UNC5B: variants seen among roughly 807,000 people sequenced by gnomAD.
UNC5B encodes unc-5 netrin receptor B, also known as netrin receptor UNC5B.
In UNC5B, 56 loss-of-function variants were observed where a neutral mutation model predicts 103.7. The observed-to-expected ratio is 0.54, with a 90% CI of 0.44 to 0.67. UNC5B has a LOEUF of 0.67. Ranked by LOEUF, UNC5B falls within the 30% of genes least tolerant of loss-of-function variation. UNC5B has a pLI of 0.00. For synonymous variants in UNC5B, 577 were observed against 542.0 expected (o/e 1.06, Z -0.90); for missense variants, 1,194 against 1,284.5 (o/e 0.93, Z 1.08).
chr10:71,299,278 G>A lies in UNC5B; in HGVS notation c.*1G>A, dbSNP rs773771209. The A allele has an allele frequency of 3.7e-6, 6 of 1,613,916 alleles. No homozygotes were observed. Among genetic ancestry groups the A allele is most frequent in the Non-Finnish European group, 5.1e-6 (6 of 1,180,020 alleles). On this transcript the variant is annotated 3_prime_UTR_variant, in exon 17 of 17. Transcript: ENST00000335350. ...TGTGGCCACCGACGGGGACTGCTGA[G>A]CCTCCTGGGACAGCGGGCTGGCAGG...
At chr10:71,281,145 G>A (rs1466380806) in intron 2 of UNC5B, among the ~76,000 whole-genome samples, 2 of 151,898 alleles carry the variant, frequency 1.3e-5, no homozygotes, top group African/African-American at 4.8e-5. Flanking sequence ...GTTTTGTCAT[G>A]TAAAGCTCAC....
intron 1 of UNC5B, among the ~76,000 whole-genome samples, chr10:71,270,064 A>C (rs1352749675): frequency 6.6e-6 from 1 of 152,058 alleles, no homozygotes; most frequent in Non-Finnish European, 1.5e-5. Context: ...AAGATAGGTG[A>C]GTTGGCCGGG....
Position 71,295,891 on chromosome 10 carries a change from C to T in UNC5B, c.2256C>T (p.His752=), listed in dbSNP as rs1564515381. The change falls in exon 14 of 17, where the codon CAC becomes CAT. Residue 752 remains histidine (H), a synonymous_variant. Transcript: ENST00000335350. ...CGCTAATGTTCAAGGACAGTTACCA[C>T]AACCTGCGCCTCTCCCTCCATGACC... ...PKPLMFKDSY[H]NLRLSLHDLP... is the part of the protein sequence containing the mutation. The T allele has an allele frequency of 6.2e-7, 1 of 1,613,394 alleles. No homozygotes were observed. The highest frequency in any genetic ancestry group is 8.5e-7 in the Non-Finnish European group (1 of 1,180,028).
chr10:71,285,488 G>A, intron 4 of UNC5B, 59 bp downstream of exon 4: 2 of 1,423,628 alleles, frequency 1.4e-6, no homozygotes, highest in Non-Finnish European at 9.4e-7. Flanking sequence ...GCAGAAGCCA[G>A]GCAGGCATGG....
Position 71,291,786 on chromosome 10 carries a change from G to T in UNC5B, c.1649G>T (p.Gly550Val). 1 of 1,605,354 alleles carries T rather than the reference G, an allele frequency of 6.2e-7. No individual in the cohort carries two copies. The highest frequency in any genetic ancestry group is 1.1e-5 in the South Asian group (1 of 90,906). ...DPGSSVSGTFGCLGGRLSIPG... is the reference protein window; with the variant it reads ...DPGSSVSGTFVCLGGRLSIPG... ...GGGAGCAGCGTCAGCGGCACCTTTGGCTGCCTGGGTGGGAGGCTCAGCATC... is the reference window on the plus strand; with the variant it reads ...GGGAGCAGCGTCAGCGGCACCTTTGTCTGCCTGGGTGGGAGGCTCAGCATC... The change falls in exon 10 of 17, where the codon GGC becomes GTC. Residue 550 changes from glycine (G) to valine (V), a missense_variant. Gly to Val is a moderately radical substitution (Grantham distance 109). Transcript: ENST00000335350.
chr10:71,294,002 AC>A, intron 13 of UNC5B, 69 bp downstream of exon 13: 3 of 1,394,594 alleles, frequency 2.2e-6, no homozygotes, highest in Non-Finnish European at 2.9e-6. Flanking sequence ...AGAATCCCCC[AC>A]CCCAGGCTCA....
intron 1 of UNC5B, among the ~76,000 whole-genome samples, chr10:71,244,723 C>T (rs914791717): frequency 6.6e-6 from 1 of 152,236 alleles, no homozygotes; most frequent in African/African-American, 2.4e-5. Context: ...CTTCCGAGAA[C>T]CCGCGATCTG....
chr10:71,295,569 A>C (rs1481597443), intron 13 of UNC5B, among the ~76,000 whole-genome samples: 8 of 152,100 alleles, frequency 5.3e-5, no homozygotes, highest in Admixed American at 5.2e-4. Flanking sequence ...CCATCTGTCC[A>C]TTTATTAGTC....
At position 71,297,969 on chromosome 10, in the gene UNC5B, C is replaced by G. The variant is rs1279381909; in HGVS notation, c.2551C>G (p.Leu851Val). The G allele has an allele frequency of 6.2e-7, 1 of 1,613,920 alleles. No individual in the cohort carries two copies. The highest frequency in any genetic ancestry group is 1.3e-5 in the African/African-American group (1 of 74,946). ...SAPGSTVTTQ[L>V]GPYAFKIPLS... ...CCCTGGCAGCACTGTCACCACCCAGCTGGGACCTTATGCCTTCAAGATCCC... is the reference window on the plus strand; with the variant it reads ...CCCTGGCAGCACTGTCACCACCCAGGTGGGACCTTATGCCTTCAAGATCCC... Residue 851 changes from leucine (L) to valine (V), a missense_variant, in exon 16 of 17, where the codon CTG becomes GTG. Transcript: ENST00000335350.
At chr10:71,249,877 G>A (rs981652803) in intron 1 of UNC5B, among the ~76,000 whole-genome samples, 2 of 152,206 alleles carry the variant, frequency 1.3e-5, no homozygotes. Context: ...AGGGCTTTTG[G>A]AGCCCAGATT....
intron 1 of UNC5B, among the ~76,000 whole-genome samples, chr10:71,253,841 G>A (rs532359618): frequency 9.9e-5 from 15 of 152,268 alleles, no homozygotes; most frequent in African/African-American, 3.1e-4. Flanking sequence ...GCTGGTTCAC[G>A]CATGTCTCCC....
rs978983436 is a variant in UNC5B, at chr10:71,280,692, G to A, written c.304+647G>A. 7.9e-5 allele frequency among the ~76,000 whole-genome samples: 12 copies of A among 152,228 alleles called. No homozygotes were observed. The East Asian group carries it at 2.3e-3, about 29-fold the overall frequency. The stretch of plus-strand genomic sequence containing the variant: ...CTCCCAGAGGAGGAGGCAGAGCCCT[G>A]GGGCTCCCCACATCTCCCAGAACTG... On this transcript the variant is annotated intron_variant, in intron 2 of 16. Coordinates refer to ENST00000335350, the MANE Select transcript of UNC5B (RefSeq NM_170744.5).
At chr10:71,281,688 T>A (rs529322081) in intron 2 of UNC5B, among the ~76,000 whole-genome samples, 33 of 152,342 alleles carry the variant, frequency 2.2e-4, no homozygotes, top group African/African-American at 6.7e-4. Flanking sequence ...ATTTTCCAGC[T>A]GCCCCCACTC....
intron 15 of UNC5B, among the ~76,000 whole-genome samples, chr10:71,297,294 TATC>T (rs1169794239): frequency 1.3e-5 from 2 of 152,232 alleles, no homozygotes; most frequent in African/African-American, 2.4e-5. Flanking sequence ...GCATGACAGA[TATC>T]ATCCCCACCT....
At chr10:71,243,768 C>T (rs977129640) in intron 1 of UNC5B, among the ~76,000 whole-genome samples, 2 of 152,232 alleles carry the variant, frequency 1.3e-5, no homozygotes, top group Non-Finnish European at 2.9e-5. Context: ...ACAGGGATCA[C>T]CTAAGGTCAC....
chr10:71,224,588 T>C (rs1040304194), intron 1 of UNC5B, among the ~76,000 whole-genome samples: 11 of 152,164 alleles, frequency 7.2e-5, no homozygotes, highest in African/African-American at 2.7e-4. Context: ...AATGAAGAGG[T>C]TCTGCCCTGG....
intron 1 of UNC5B, among the ~76,000 whole-genome samples, chr10:71,240,259 G>C (rs80058630): frequency 0.012 from 1,878 of 152,356 alleles, 27 homozygotes; most frequent in East Asian, 0.06. Flanking sequence ...GCAGCTGTTG[G>C]TGTCCGGCCC....
chr10:71,285,813 A>T (rs1034229551), intron 4 of UNC5B, among the ~76,000 whole-genome samples: 4 of 151,930 alleles, frequency 2.6e-5, no homozygotes, highest in African/African-American at 9.7e-5. Context: ...CCACGAGCTG[A>T]TCACCCCTTC....
chr10:71,283,122 A>G (rs1176491167), intron 2 of UNC5B, among the ~76,000 whole-genome samples: 1 of 151,920 alleles, frequency 6.6e-6, no homozygotes, highest in African/African-American at 2.4e-5. Context: ...TCCGTCTCAA[A>G]AAAAAAAAGA....
Sources: allele counts gnomAD v4.1 joint callset (sites outside exome capture counted in the v4.1 genomes callset), GRCh38; gene constraint gnomAD v4.1.1; transcripts MANE v1.5; gene names NCBI Gene and HGNC (gene_info 2026-07-23, HGNC 2026-07-21).